ALDH1B1: variants seen among roughly 807,000 people sequenced by gnomAD.
ALDH1B1 encodes aldehyde dehydrogenase 1 family member B1.
ALDH1B1 carries 19 observed loss-of-function variants against 26.2 expected under a neutral mutation model. That is an observed-to-expected ratio of 0.72 (90% CI 0.51 to 1.06). The LOEUF is 1.06. Among genes scored for constraint, ALDH1B1 ranks in the 50% least tolerant of loss-of-function variants. The probability of loss-of-function intolerance (pLI) is 0.00; values close to 1 mark genes in which losing one functional copy is unlikely to be tolerated. For synonymous variants in ALDH1B1, 249 were observed against 286.0 expected, an observed-to-expected ratio of 0.87 and a Z score of 1.31; for missense variants, 671 against 683.1, an observed-to-expected ratio of 0.98 and a Z score of 0.20.
chr9:38,397,273 A>T lies in ALDH1B1; in HGVS notation c.1525A>T (p.Thr509Ser). The T allele has an allele frequency of 6.2e-7, 1 of 1,613,336 alleles. No individual in the cohort carries two copies. Among genetic ancestry groups the T allele is most frequent in the Non-Finnish European group, 8.5e-7 (1 of 1,179,446 alleles). The change falls in exon 2 of 2, where the codon ACC becomes TCC. Residue 509 changes from threonine (T) to serine (S), a missense_variant. Transcript: ENST00000377698. ...LKAYTEVKTV[T>S]IKVPQKNS ...GGCCTACACAGAGGTAAAGACGGTC[A>T]CCATCAAGGTTCCTCAGAAGAACTC...
rs766014764 is a variant in ALDH1B1, at chr9:38,396,096, A to T, written c.348A>T (p.Arg116=). ...TGGCAGACCTAGTGGAGCGGGATCG[A>T]GTCTACTTGGCCTCACTCGAGACCT... The part of the protein sequence containing the change: ...NRLADLVERD[R]VYLASLETLD... The change falls in exon 2 of 2, where the codon CGA becomes CGT. Residue 116 remains arginine (R), a synonymous_variant. Transcript: ENST00000377698. The T allele has an allele frequency of 1.2e-6, 2 of 1,614,042 alleles. No individual in the cohort carries two copies. Among genetic ancestry groups the T allele is most frequent in the Non-Finnish European group, 1.7e-6 (2 of 1,180,022 alleles).
intron 1 of ALDH1B1, 35 bp from the exon 2 acceptor site, chr9:38,395,705 A>G: frequency 6.5e-7 from 1 of 1,532,036 alleles, no homozygotes; most frequent in Non-Finnish European, 8.8e-7. Context: ...GCCTTCTCCC[A>G]CCTGTTCACC....
chr9:38,395,234 C>T (rs566776272), intron 1 of ALDH1B1, among the ~76,000 whole-genome samples: 2 of 152,174 alleles, frequency 1.3e-5, no homozygotes, highest in Non-Finnish European at 2.9e-5. Flanking sequence ...AGTGTTTTCT[C>T]AGTGTATCAT....
At chr9:38,395,681 G>T in intron 1 of ALDH1B1, 59 bp from the exon 2 acceptor site, 1 of 1,514,174 alleles carries the variant, frequency 6.6e-7, no homozygotes, top group South Asian at 1.3e-5. Flanking sequence ...GTGGGCCCTT[G>T]GGTACCGCCA....
In ALDH1B1 at chr9:38,392,743, A is replaced by C; in HGVS notation, c.-74A>C. 1.0e-6 allele frequency: 1 copy of C among 985,556 alleles called. No individual in the cohort carries two copies. Among genetic ancestry groups the C allele is most frequent in the Non-Finnish European group, 1.2e-6 (1 of 830,032 alleles). The allele number at this position is 985,556 out of a possible 1,614,324, so 61.1% of individuals were successfully genotyped here. The stretch of plus-strand genomic sequence containing the variant: ...GCCAGCCCTGGGCGGCCATGTGGAC[A>C]GAGCTGGGAGGGCCGGAACCAGAAC... On this transcript the variant is annotated 5_prime_UTR_variant, in exon 1 of 2. Transcript: ENST00000377698.
In ALDH1B1 at chr9:38,397,034, A is replaced by G; in HGVS notation, c.1286A>G (p.Lys429Arg). 1 of 1,614,178 alleles carries G rather than the reference A, an allele frequency of 6.2e-7. No individual in the cohort carries two copies. Among genetic ancestry groups the G allele is most frequent in the African/African-American group, 1.3e-5 (1 of 75,036 alleles). The change falls in exon 2 of 2, where the codon AAG (lysine) becomes AGG (arginine). Residue 429 changes from lysine to arginine, a missense_variant. Transcript: ENST00000377698. The stretch of plus-strand genomic sequence containing the variant: ...GTGCAGCCCCTGTTCAAGTTCAAGA[A>G]GATTGAGGAGGTGGTTGAGAGGGCC... ...GPVQPLFKFK[K>R]IEEVVERANN...
chr9:38,396,976 A>G lies in ALDH1B1; in HGVS notation c.1228A>G (p.Met410Val). The G allele has an allele frequency of 6.2e-7, 1 of 1,614,158 alleles. No homozygotes were observed. Among genetic ancestry groups the G allele is most frequent in the Non-Finnish European group, 8.5e-7 (1 of 1,180,010 alleles). ...TGTCTTTGGTGGCGTGCAGGATGAC[A>G]TGAGAATTGCCAAAGAGGAGATCTT... ...PTVFGGVQDD[M>V]RIAKEEIFGP... is the part of the protein sequence containing the mutation. Residue 410 changes from methionine to valine, a missense_variant, in exon 2 of 2, where the codon ATG becomes GTG. Transcript: ENST00000377698.
In ALDH1B1 at chr9:38,395,977, G is replaced by C. The variant is rs1269386653; in HGVS notation, c.229G>C (p.Asp77His). 6.2e-7 allele frequency: 1 copy of C among 1,613,632 alleles called. No individual in the cohort carries two copies. Among genetic ancestry groups the C allele is most frequent in the Non-Finnish European group, 8.5e-7 (1 of 1,180,032 alleles). Residue 77 changes from aspartate (D) to histidine (H), a missense_variant, in exon 2 of 2, where the codon GAT becomes CAT. Transcript: ENST00000377698. ...HVAEGDRADV[D>H]RAVKAAREAF... is the part of the protein sequence containing the mutation. ...GGCTGAAGGTGACCGGGCTGATGTG[G>C]ATCGGGCCGTGAAAGCAGCCCGGGA...
chr9:38,392,887 C>T (rs1416723207), intron 1 of ALDH1B1, 80 bp downstream of exon 1: 3 of 986,018 alleles, frequency 3.0e-6, no homozygotes, highest in Non-Finnish European at 3.6e-6. Context: ...CTCTCTGGGC[C>T]GCGGCGTCCG....
chr9:38,397,015 C>G lies in ALDH1B1; in HGVS notation c.1267C>G (p.Pro423Ala), dbSNP rs748940846. The change falls in exon 2 of 2, where the codon CCC (proline) becomes GCC (alanine). Residue 423 changes from proline (P) to alanine (A), a missense_variant. Pro to Ala is a conservative substitution (Grantham distance 27). Transcript: ENST00000377698. ...AGAGGAGATCTTTGGGCCTGTGCAG[C>G]CCCTGTTCAAGTTCAAGAAGATTGA... ...AKEEIFGPVQ[P>A]LFKFKKIEEV... 1 of 1,614,022 alleles carries G rather than the reference C, an allele frequency of 6.2e-7. No homozygotes were observed. Among genetic ancestry groups the G allele is most frequent in the African/African-American group, 1.3e-5 (1 of 74,910 alleles).
chr9:38,397,368 C>T lies in ALDH1B1; in HGVS notation c.*66C>T. The T allele has an allele frequency of 6.7e-7, 1 of 1,501,014 alleles. No homozygotes were observed. Among genetic ancestry groups the T allele is most frequent in the South Asian group, 1.4e-5 (1 of 73,190 alleles). The allele number at this position is 1,501,014 out of a possible 1,614,324, so 93.0% of individuals were successfully genotyped here. ...CACAACCACCTTGACGAATGCTTGCCAAGCTGTTTTAAAGCCAAGAACACC... is the reference window on the plus strand; with the variant it reads ...CACAACCACCTTGACGAATGCTTGCTAAGCTGTTTTAAAGCCAAGAACACC... On this transcript the variant is annotated 3_prime_UTR_variant, in exon 2 of 2. Coordinates refer to ENST00000377698, the MANE Select transcript of ALDH1B1 (RefSeq NM_000692.5).
intron 1 of ALDH1B1, 142 bp downstream of exon 1, chr9:38,392,949 C>T: frequency 2.1e-6 from 2 of 969,732 alleles, no homozygotes; most frequent in South Asian, 9.5e-5. Context: ...TCTCCACGTC[C>T]CCTAATCCCA....
In ALDH1B1 at chr9:38,395,934, G is replaced by A; in HGVS notation, c.186G>A (p.Gly62=). ...TCCCGACGGTCAACCCTACCACCGG[G>A]GAGGTCATTGGGCACGTGGCTGAAG... is the stretch of plus-strand genomic sequence containing the variant. The part of the protein sequence containing the change: ...KTFPTVNPTT[G]EVIGHVAEGD... Residue 62 remains glycine, a synonymous_variant, in exon 2 of 2, where the codon GGG becomes GGA. Transcript: ENST00000377698. The A allele has an allele frequency of 1.9e-6, 3 of 1,613,896 alleles. No individual in the cohort carries two copies. The highest frequency in any genetic ancestry group is 2.5e-6 in the Non-Finnish European group (3 of 1,180,026).
rs751853437 is a variant in ALDH1B1, at chr9:38,395,873, A to G, written c.125A>G (p.Asn42Ser). 2 of 1,613,824 alleles carry G rather than the reference A, an allele frequency of 1.2e-6. No homozygotes were observed. Among genetic ancestry groups the G allele is most frequent in the East Asian group, 4.5e-5 (2 of 44,880 alleles). The change falls in exon 2 of 2, where the codon AAC (asparagine) becomes AGC (serine). Residue 42 changes from asparagine (N) to serine (S), a missense_variant. Coordinates refer to ENST00000377698, the MANE Select transcript of ALDH1B1 (RefSeq NM_000692.5). ...ATCCCCTACAACCAGCTGTTCATCAACAATGAATGGCAAGATGCAGTCAGC... is the reference window on the plus strand; with the variant it reads ...ATCCCCTACAACCAGCTGTTCATCAGCAATGAATGGCAAGATGCAGTCAGC... ...PDIPYNQLFI[N>S]NEWQDAVSKK...
At position 38,396,107 on chromosome 9, in the gene ALDH1B1, C is replaced by A. The variant is rs1375486459; in HGVS notation, c.359C>A (p.Ala120Asp). The change falls in exon 2 of 2, where the codon GCC becomes GAC. Residue 120 changes from alanine (A) to aspartate (D), a missense_variant. Transcript: ENST00000377698. ...GTGGAGCGGGATCGAGTCTACTTGG[C>A]CTCACTCGAGACCTTGGACAATGGG... ...DLVERDRVYL[A>D]SLETLDNGKP... The A allele has an allele frequency of 3.7e-6, 6 of 1,614,220 alleles. No individual in the cohort carries two copies. Among genetic ancestry groups the A allele is most frequent in the Non-Finnish European group, 5.1e-6 (6 of 1,180,034 alleles).
In ALDH1B1 at chr9:38,397,148, C is replaced by T; in HGVS notation, c.1400C>T (p.Thr467Ile). The T allele has an allele frequency of 6.2e-7, 1 of 1,614,150 alleles. No individual in the cohort carries two copies. The highest frequency in any genetic ancestry group is 8.5e-7 in the Non-Finnish European group (1 of 1,180,036). Reference protein sequence around the residue: ...MYFTQALQAGTVWVNTYNIVT... With the variant: ...MYFTQALQAGIVWVNTYNIVT... ...TTCACCCAGGCACTCCAGGCCGGGA[C>T]CGTGTGGGTAAACACCTACAACATC... The change falls in exon 2 of 2, where the codon ACC (threonine) becomes ATC (isoleucine). Residue 467 changes from threonine to isoleucine, a missense_variant. Physicochemically the swap from Thr to Ile is moderately conservative, Grantham distance 89. Transcript: ENST00000377698.
intron 1 of ALDH1B1, 106 bp from the exon 2 acceptor site, chr9:38,395,634 C>CCT (rs1821263067): frequency 8.4e-6 from 12 of 1,430,360 alleles, no homozygotes. Flanking sequence ...TTAGAGGTGA[C>CCT]AGTCCTTTAT....
rs1316764160 is a variant in ALDH1B1, at chr9:38,396,018, G to A, written c.270G>A (p.Gly90=). The change falls in exon 2 of 2, where the codon GGG becomes GGA. Residue 90 remains glycine (G), a synonymous_variant. Transcript: ENST00000377698. ...VKAAREAFRL[G]SPWRRMDASE... is the part of the protein sequence containing the mutation. ...CAGCCCGGGAAGCCTTCCGCCTGGG[G>A]TCCCCATGGCGCCGGATGGATGCCT... The A allele has an allele frequency of 3.1e-6, 5 of 1,613,804 alleles. No homozygotes were observed. Among genetic ancestry groups the A allele is most frequent in the Middle Eastern group, 1.6e-4 (1 of 6,062 alleles).
chr9:38,396,266 A>G lies in ALDH1B1; in HGVS notation c.518A>G (p.His173Arg), dbSNP rs748511142. Residue 173 changes from histidine to arginine, a missense_variant, in exon 2 of 2, where the codon CAT (histidine) becomes CGT (arginine). Transcript: ENST00000377698. Reference sequence around the variant, plus strand: ...GGCCAGCATTTCTGCTTCACCCGGCATGAGCCCGTTGGTGTCTGTGGCCAG... The same window carrying G: ...GGCCAGCATTTCTGCTTCACCCGGCGTGAGCCCGTTGGTGTCTGTGGCCAG... The part of the protein sequence containing the change: ...MDGQHFCFTR[H>R]EPVGVCGQII... 1.9e-6 allele frequency: 3 copies of G among 1,614,048 alleles called. No homozygotes were observed. The highest frequency in any genetic ancestry group is 1.7e-6 in the Non-Finnish European group (2 of 1,180,036).
Sources: allele counts gnomAD v4.1 joint callset (sites outside exome capture counted in the v4.1 genomes callset), GRCh38; gene constraint gnomAD v4.1.1; transcripts MANE v1.5; gene names NCBI Gene and HGNC (gene_info 2026-07-23, HGNC 2026-07-21).